FCRL3: variants seen among roughly 807,000 people sequenced by gnomAD.
FCRL3 encodes Fc receptor like 3, also known as Fc receptor-like protein 3.
Under a neutral mutation model 75.0 loss-of-function variants are expected in FCRL3, and 89 were observed. That is an observed-to-expected ratio of 1.19 (90% CI 1.00 to 1.42). The LOEUF (loss-of-function observed/expected upper bound fraction) is 1.42, where lower values mean the gene tolerates loss of function less well. Ranked by LOEUF, FCRL3 falls within the 40% of genes most tolerant of loss-of-function variation. The pLI, the probability that FCRL3 is intolerant of heterozygous loss-of-function variation, is 0.00. For synonymous variants in FCRL3, 376 were observed against 348.5 expected (o/e 1.08, Z -0.88); for missense variants, 946 against 880.0 (o/e 1.07, Z -0.95).
chr1:157,697,554 G>A, intron 5 of FCRL3, 105 bp downstream of exon 5: 2 of 1,473,400 alleles, frequency 1.4e-6, no homozygotes, highest in Non-Finnish European at 9.1e-7. Flanking sequence ...CCCTCCCATG[G>A]CTGAGCCATA....
intron 6 of FCRL3, 163 bp from the exon 7 acceptor site, chr1:157,696,490 C>A (rs1008432231): frequency 3.0e-6 from 2 of 656,226 alleles, no homozygotes; most frequent in Non-Finnish European, 5.1e-6. Context: ...ATAAAGGAAG[C>A]AACATCCCTC....
intron 4 of FCRL3, 108 bp from the exon 5 acceptor site, chr1:157,698,027 G>T: frequency 7.7e-7 from 1 of 1,298,756 alleles, no homozygotes; most frequent in Non-Finnish European, 1.0e-6. Context: ...CCTGCAAATG[G>T]CCCCCACCCA....
intron 13 of FCRL3, among the ~76,000 whole-genome samples, chr1:157,679,478 G>A (rs1654682011): frequency 6.6e-6 from 1 of 152,142 alleles, no homozygotes. Context: ...GGAAGCCAAA[G>A]AGTTGCATTG....
In FCRL3 at chr1:157,680,735, T is replaced by C. The variant is rs191771214; in HGVS notation, c.1993A>G (p.Ile665Val). Residue 665 changes from isoleucine (I) to valine (V), a missense_variant, in exon 13 of 15, where the codon ATC (isoleucine) becomes GTC (valine). Ile to Val is a conservative substitution (Grantham distance 29). Transcript: ENST00000368184. ...TCTTTTGTATGCTGGATGCTCCAGA[T>C]CTGGGAATAAATCGGGTTGCTATCT... ...PGDSNPIYSQIWSIQHTKENS... is the reference protein window; with the variant it reads ...PGDSNPIYSQVWSIQHTKENS... 149 of 1,614,108 alleles carry C rather than the reference T, an allele frequency of 9.2e-5. No homozygotes were observed. Among genetic ancestry groups the C allele is most frequent in the Middle Eastern group, 6.6e-4 (4 of 6,060 alleles).
chr1:157,694,046 G>A (rs549556055), intron 8 of FCRL3, among the ~76,000 whole-genome samples: 64 of 152,084 alleles, frequency 4.2e-4, no homozygotes, highest in African/African-American at 1.4e-3. Flanking sequence ...CACTGCACCC[G>A]GCCCCTTATT....
intron 10 of FCRL3, 45 bp from the exon 11 acceptor site, chr1:157,683,289 A>G (rs1571193233): frequency 1.2e-6 from 2 of 1,602,328 alleles, no homozygotes; most frequent in Non-Finnish European, 1.7e-6. Context: ...GAGCTGTGTA[A>G]ATAATGAACT....
chr1:157,680,593 A>T (rs983890835), intron 13 of FCRL3, 109 bp downstream of exon 13: 112 of 853,650 alleles, frequency 1.3e-4, no homozygotes, highest in Non-Finnish European at 3.3e-5. Context: ...GGAGGCAAGT[A>T]ATGCCTTGCG....
Position 157,680,693 on chromosome 1 carries a change from G to A in FCRL3, c.2026+9C>T, listed in dbSNP as rs186835317. ...CACCTCACCTCTATTTGCCTGAAAG[G>A]CATCTTACCTGAGTTTTCTTTTGTA... On this transcript the variant is annotated intron_variant, in intron 13 of 14. Transcript: ENST00000368184. 4.7e-5 allele frequency: 76 copies of A among 1,613,144 alleles called. No individual in the cohort carries two copies. The highest frequency in any genetic ancestry group is 1.8e-4 in the Admixed American group (11 of 59,982).
chr1:157,683,107 G>T lies in FCRL3; in HGVS notation c.1838+110C>A, dbSNP rs12075547. The T allele has an allele frequency of 5.7e-3, 7,034 of 1,239,626 alleles. 215 individuals carry two copies. The African/African-American group carries it at 0.079, about 14-fold the overall frequency. 76.8% of individuals were successfully genotyped at this position (1,239,626 alleles called of 1,614,324 possible). A position where few individuals can be genotyped will look rare whatever the true frequency, so the allele number is the denominator to read the frequency against. On this transcript the variant is annotated intron_variant, in intron 11 of 14. Transcript: ENST00000368184. ...ATCTACTTTTTTATTTTGTAAGAACGTAAAAATGCTACTAGGAAATCCATT... is the reference window on the plus strand; with the variant it reads ...ATCTACTTTTTTATTTTGTAAGAACTTAAAAATGCTACTAGGAAATCCATT...
In FCRL3 at chr1:157,683,395, C is replaced by G. The variant is rs1654972050; in HGVS notation, c.1811-151G>C. ...ATCCAGCTCCACCCTCCTTACTCCC[C>G]CTATGTTATGTTATAGGTCAGGAAG... On this transcript the variant is annotated intron_variant, in intron 10 of 14. Transcript: ENST00000368184. The G allele has an allele frequency of 5.4e-6, 5 of 925,714 alleles. No individual in the cohort carries two copies. In the Admixed American group the frequency reaches 8.4e-5, roughly 16 times the overall value. 57.3% of individuals were successfully genotyped at this position (925,714 alleles called of 1,614,324 possible).
In FCRL3 at chr1:157,680,721, C is replaced by T; in HGVS notation, c.2007G>A (p.Gln669=). 1 of 1,614,064 alleles carries T rather than the reference C, an allele frequency of 6.2e-7. No individual in the cohort carries two copies. The highest frequency in any genetic ancestry group is 8.5e-7 in the Non-Finnish European group (1 of 1,179,946). Residue 669 remains glutamine, a synonymous_variant, in exon 13 of 15, where the codon CAG becomes CAA. Coordinates refer to ENST00000368184, the MANE Select transcript of FCRL3 (RefSeq NM_052939.4). ...TCTTACCTGAGTTTTCTTTTGTATGCTGGATGCTCCAGATCTGGGAATAAA... is the reference window on the plus strand; with the variant it reads ...TCTTACCTGAGTTTTCTTTTGTATGTTGGATGCTCCAGATCTGGGAATAAA... The part of the protein sequence containing the change: ...NPIYSQIWSI[Q]HTKENSANCP...
chr1:157,700,351 T>C, intron 2 of FCRL3, 108 bp downstream of exon 2: 3 of 1,538,280 alleles, frequency 2.0e-6, no homozygotes, highest in Non-Finnish European at 2.7e-6. Flanking sequence ...CATCCCTTGC[T>C]ATCTGTCTCT....
Position 157,690,236 on chromosome 1 carries a change from C to G in FCRL3, c.1690+19G>C, listed in dbSNP as rs757021052. ...ATTTACCATAACTGTGACCTCTAGC[C>G]CAGGTACTATTAACACACCTGTAAC... On this transcript the variant is annotated intron_variant, in intron 9 of 14. Transcript: ENST00000368184. 6 of 1,612,196 alleles carry G rather than the reference C, an allele frequency of 3.7e-6. No homozygotes were observed. In the Admixed American group the frequency reaches 1.0e-4, roughly 27 times the overall value.
intron 8 of FCRL3, among the ~76,000 whole-genome samples, chr1:157,695,039 G>A (rs1655793446): frequency 6.6e-6 from 1 of 152,066 alleles, no homozygotes; most frequent in Non-Finnish European, 1.5e-5. Flanking sequence ...AGTAATTGCT[G>A]ACCCATCACG....
At chr1:157,689,772 T>C in intron 10 of FCRL3, 26 bp downstream of exon 10, 4 of 1,613,460 alleles carry the variant, frequency 2.5e-6, no homozygotes, top group Non-Finnish European at 3.4e-6. Flanking sequence ...CAAAATCACA[T>C]CACAAGGTAG....
chr1:157,682,886 A>G (rs1654934876), intron 11 of FCRL3, among the ~76,000 whole-genome samples: 1 of 152,232 alleles, frequency 6.6e-6, no homozygotes, highest in Admixed American at 6.5e-5. Flanking sequence ...AATGAGTGGA[A>G]GAATGAGGAA....
rs183807055 is a variant in FCRL3 at position 157,679,918 on chromosome 1, A to T, written c.2026+784T>A. ...CTATAATTTTGAAGGGGAGAAATGG[A>T]CATAGAAATAAATGCAACAAGCATT... On this transcript the variant is annotated intron_variant, in intron 13 of 14. Coordinates refer to ENST00000368184, the MANE Select transcript of FCRL3 (RefSeq NM_052939.4). Among the ~76,000 whole-genome samples, 215 of 150,462 alleles carry T rather than the reference A, an allele frequency of 1.4e-3. 1 individual carries two copies. The highest frequency in any genetic ancestry group is 6.8e-3 in the Middle Eastern group (2 of 294).
At chr1:157,693,811 AATCTT>A (rs1233179820) in intron 8 of FCRL3, among the ~76,000 whole-genome samples, 2 of 150,170 alleles carry the variant, frequency 1.3e-5, no homozygotes, top group South Asian at 2.1e-4. Context: ...GCAGTTGTGC[AATCTT>A]GGCTCACTGC....
At chr1:157,692,859 T>C (rs892204837) in intron 8 of FCRL3, among the ~76,000 whole-genome samples, 1 of 152,198 alleles carries the variant, frequency 6.6e-6, no homozygotes, top group Non-Finnish European at 1.5e-5. Flanking sequence ...AATATTTACA[T>C]TTCTATGTCG....
Sources: allele counts gnomAD v4.1 joint callset (sites outside exome capture counted in the v4.1 genomes callset), GRCh38; gene constraint gnomAD v4.1.1; transcripts MANE v1.5; gene names NCBI Gene and HGNC (gene_info 2026-07-23, HGNC 2026-07-21).